Variants in PLEKHG5 observed in about 807,000 individuals in gnomAD.
PLEKHG5 encodes pleckstrin homology domain-containing family G member 5.
Under a neutral mutation model 103.8 loss-of-function variants are expected in PLEKHG5, and 52 were observed. The observed-to-expected ratio is 0.50, with a 90% CI of 0.40 to 0.63. The LOEUF is 0.63. Ranked by LOEUF, PLEKHG5 falls within the 30% of genes least tolerant of loss-of-function variation. PLEKHG5 has a pLI of 0.00. For synonymous variants in PLEKHG5, 592 were observed against 575.5 expected, an observed-to-expected ratio of 1.03 and a Z score of -0.41; for missense variants, 1,205 against 1,347.6, an observed-to-expected ratio of 0.89 and a Z score of 1.66.
At chr1:6,494,638 C>T (rs982069107), upstream of PLEKHG5, among the ~76,000 whole-genome samples, 1 of 152,184 alleles carries the variant, frequency 6.6e-6, no homozygotes, top group Non-Finnish European at 1.5e-5. Context: ...CCCCGCACCT[C>T]CTCTCCACCA....
At chr1:6,485,265 G>A in intron 1 of PLEKHG5, 1 of 1,157,802 alleles carries the variant, frequency 8.6e-7, no homozygotes, top group Non-Finnish European at 1.1e-6. Context: ...ACAGGACTGG[G>A]CGGCTGCAGG....
intron 1 of PLEKHG5, among the ~76,000 whole-genome samples, chr1:6,507,343 G>A (rs1638352984): frequency 6.6e-6 from 1 of 152,150 alleles, no homozygotes; most frequent in African/African-American, 2.4e-5. Flanking sequence ...TTGGGGACCT[G>A]AACAAGCAGC....
chr1:6,481,536 T>TAAAA (rs1349321595), intron 1 of PLEKHG5, among the ~76,000 whole-genome samples: 1 of 79,644 alleles, frequency 1.3e-5, no homozygotes, highest in Non-Finnish European at 2.1e-5. Context: ...AATAAATAAA[T>TAAAA]AAATAAATAA....
intron 1 of PLEKHG5, among the ~76,000 whole-genome samples, chr1:6,506,741 A>G (rs1467248117): frequency 6.6e-6 from 1 of 152,164 alleles, no homozygotes; most frequent in Non-Finnish European, 1.5e-5. Context: ...CACTGAGCCG[A>G]GGCCCCCAGA....
At chr1:6,494,351 G>A (rs1268283281), upstream of PLEKHG5, among the ~76,000 whole-genome samples, 5 of 151,494 alleles carry the variant, frequency 3.3e-5, no homozygotes, top group East Asian at 2.0e-4. Flanking sequence ...GGCTGGTCTC[G>A]AACTCCTGAG....
chr1:6,516,729 A>G lies in PLEKHG5; in HGVS notation c.-165+2716T>C, dbSNP rs560846239. ...GTTTTTTGTACTGGCATATATATAT[A>G]TGTGTGTATATATATGTGTGTGTGT... On this transcript the variant is annotated intron_variant, in intron 1 of 21. Transcript: ENST00000377740. 3.5e-4 allele frequency among the ~76,000 whole-genome samples: 51 copies of G among 147,324 alleles called. No individual in the cohort carries two copies. The South Asian group carries it at 6.8e-3, about 20-fold the overall frequency.
Position 6,467,370 on chromosome 1 carries a change from A to G in PLEKHG5, c.*193T>C. ...GGGCTGCCTGGGCAGGTGGGGTGGT[A>G]CTGTGGCCTGGGCCTCCTCCACTCC... On this transcript the variant is annotated 3_prime_UTR_variant, in exon 21 of 21. Transcript: ENST00000377728. 1 of 727,000 alleles carries G rather than the reference A, an allele frequency of 1.4e-6. No homozygotes were observed. Among genetic ancestry groups the G allele is most frequent in the Admixed American group, 1.8e-5 (1 of 54,874 alleles). 45.0% of individuals were successfully genotyped at this position (727,000 alleles called of 1,614,324 possible). A position where few individuals can be genotyped will look rare whatever the true frequency, so the allele number is the denominator to read the frequency against.
intron 1 of PLEKHG5, among the ~76,000 whole-genome samples, chr1:6,502,946 C>A (rs1645312682): frequency 6.6e-6 from 1 of 152,210 alleles, no homozygotes; most frequent in African/African-American, 2.4e-5. Context: ...GGGGCAGGCA[C>A]ACACGGGTGA....
chr1:6,474,226 G>A (rs974980972), intron 6 of PLEKHG5, 62 bp from the exon 7 acceptor site: 10 of 1,583,340 alleles, frequency 6.3e-6, no homozygotes, highest in African/African-American at 1.3e-5. Flanking sequence ...GGGGTCCCCG[G>A]TCCTCTCTCC....
At chr1:6,495,105 G>A (rs936202112), upstream of PLEKHG5, among the ~76,000 whole-genome samples, 3 of 152,200 alleles carry the variant, frequency 2.0e-5, no homozygotes, top group South Asian at 4.1e-4. Flanking sequence ...TGCCCCAGCC[G>A]CCCCTTCAGG....
rs1453860323 is a variant in PLEKHG5 at position 6,490,448 on chromosome 1, G to T, written c.-88+1189C>A. The T allele has an allele frequency of 1.1e-5, 11 of 984,382 alleles. No homozygotes were observed. The highest frequency in any genetic ancestry group is 1.3e-5 in the Non-Finnish European group (11 of 829,986). The allele number at this position is 984,382 out of a possible 1,614,324, so 61.0% of individuals were successfully genotyped here. ...CTCCCACTTCCCCGCGACTCACCTA[G>T]GAACAGGACCAGGGTCTCCTCCCCG... On this transcript the variant is annotated intron_variant, in intron 1 of 20. Transcript: ENST00000377728. The surrounding 1 kb of genome is among the most constrained non-coding windows in gnomAD (Gnocchi z 8.0).
Position 6,505,413 on chromosome 1 carries a change from A to C in PLEKHG5, c.-164-8844T>G, listed in dbSNP as rs995406224. ...TTGAAGCTCCCTGTGTGTCATCCCC[A>C]TTAGTGCTCTCAGCCTCCCAGTGAC... On this transcript the variant is annotated intron_variant, in intron 1 of 21. Transcript: ENST00000377740. The surrounding 1 kb of genome is among the most constrained non-coding windows in gnomAD (Gnocchi z 4.2). 6.6e-6 allele frequency among the ~76,000 whole-genome samples: 1 copy of C among 151,906 alleles called. No homozygotes were observed. Among genetic ancestry groups the C allele is most frequent in the Non-Finnish European group, 1.5e-5 (1 of 67,952 alleles).
chr1:6,497,361 GCGGGGGCGC>G (rs927190789), upstream of PLEKHG5: 468 of 1,098,708 alleles, frequency 4.3e-4, 2 homozygotes, highest in Middle Eastern at 3.3e-3. This position sits in a 1 kb window ranked among gnomAD's most constrained non-coding sequence, Gnocchi z 6.1. Context: ...CGGGCGGCGG[GCGGGGGCGC>G]CGGGGACGCC....
upstream of PLEKHG5, chr1:6,496,388 C>T (rs1018472798): frequency 9.3e-6 from 8 of 863,212 alleles, no homozygotes; most frequent in African/African-American, 8.7e-5. Flanking sequence ...CAGCCAGCCG[C>T]GCCCGTGCCA....
Position 6,473,127 on chromosome 1 carries a change from G to T in PLEKHG5, c.843C>A (p.Ser281Arg). Residue 281 changes from serine (S) to arginine (R), a missense_variant, in exon 9 of 21, where the codon AGC (serine) becomes AGA (arginine). Physicochemically the swap from Ser to Arg is moderately radical, Grantham distance 110. Transcript: ENST00000377728. Reference protein sequence around the residue: ...EQLEGKLHTYSLFGLPRLPRG... With the variant: ...EQLEGKLHTYRLFGLPRLPRG... ...GGGGCAGCCTGGGCAGCCCGAAGAG[G>T]CTGTAGGTGTGCAGCTTGCCCTCCA... 2 of 1,613,964 alleles carry T rather than the reference G, an allele frequency of 1.2e-6. No homozygotes were observed. Among genetic ancestry groups the T allele is most frequent in the South Asian group, 2.2e-5 (2 of 91,090 alleles).
At chr1:6,470,103 T>G in intron 16 of PLEKHG5, 133 bp downstream of exon 16, 2 of 1,020,048 alleles carry the variant, frequency 2.0e-6, no homozygotes, top group Non-Finnish European at 2.9e-6. Context: ...GGCAGAGAAC[T>G]GTCATTCACT....
At chr1:6,504,735 A>G (rs1012698889) in intron 1 of PLEKHG5, among the ~76,000 whole-genome samples, 1 of 151,678 alleles carries the variant, frequency 6.6e-6, no homozygotes, top group Non-Finnish European at 1.5e-5. Context: ...ACGCCCAGCT[A>G]ATTTTTTGTG....
chr1:6,479,069 C>G (rs1644835329), intron 1 of PLEKHG5, among the ~76,000 whole-genome samples: 2 of 152,204 alleles, frequency 1.3e-5, no homozygotes, highest in African/African-American at 4.8e-5. Context: ...CTCGGCACCC[C>G]CCTCCCCTGG....
At chr1:6,504,393 C>T (rs1366383938) in intron 1 of PLEKHG5, among the ~76,000 whole-genome samples, 3 of 152,048 alleles carry the variant, frequency 2.0e-5, no homozygotes, top group South Asian at 2.1e-4. Flanking sequence ...GCGCACGTCC[C>T]GATGGGGCCT....
Sources: allele counts gnomAD v4.1 joint callset (sites outside exome capture counted in the v4.1 genomes callset), GRCh38; gene constraint gnomAD v4.1.1; non-coding constraint Gnocchi (gnomAD v3.1); transcripts MANE v1.5; gene names NCBI Gene and HGNC (gene_info 2026-07-23, HGNC 2026-07-21).